CPQ: variants seen among roughly 807,000 people sequenced by gnomAD.
CPQ encodes the protein Ser-Met dipeptidase.
In CPQ, 37 loss-of-function variants were observed where a neutral mutation model predicts 45.7. The ratio of observed to expected loss-of-function variants is 0.81; its 90% CI spans 0.62 to 1.07. The LOEUF (loss-of-function observed/expected upper bound fraction) is 1.07. Among genes scored for constraint, CPQ ranks in the 50% least tolerant of loss-of-function variants. The probability of loss-of-function intolerance (pLI) is 0.00; values close to 1 mark genes in which losing one functional copy is unlikely to be tolerated. For missense variants in CPQ, 537 were observed against 572.9 expected (o/e 0.94, Z 0.64); for synonymous variants, 186 against 205.8 (o/e 0.90, Z 0.82).
At chr8:96,747,599 A>G (rs1810207316) in intron 1 of CPQ, among the ~76,000 whole-genome samples, 1 of 152,216 alleles carries the variant, frequency 6.6e-6, no homozygotes, top group Non-Finnish European at 1.5e-5. Context: ...TGTAAAGATT[A>G]TTGGGCACTA....
intron 7 of CPQ, among the ~76,000 whole-genome samples, chr8:97,081,887 T>G (rs980113511): frequency 6.6e-6 from 1 of 152,310 alleles, no homozygotes; most frequent in South Asian, 2.1e-4. Context: ...GAACCTCAAT[T>G]TCTTCCTAAA....
At chr8:96,984,241 C>G (rs1813963328) in intron 5 of CPQ, among the ~76,000 whole-genome samples, 1 of 151,970 alleles carries the variant, frequency 6.6e-6, no homozygotes, top group South Asian at 2.1e-4. Context: ...TTAGTTATGC[C>G]TTGTTTATAA....
At chr8:96,958,753 G>A (rs1456247348) in intron 4 of CPQ, among the ~76,000 whole-genome samples, 1 of 152,078 alleles carries the variant, frequency 6.6e-6, no homozygotes. Flanking sequence ...CTTTTTGTGA[G>A]TCTAATCTGA....
chr8:96,777,723 A>AACATATATATAT lies in CPQ; in HGVS notation c.-34-7140_-34-7139insCATATATATATA, dbSNP rs1810624594. ...GTGACCCTAAGTCTGTGTCTTAGAA[A>AACATATATATAT]ATATATATATATATATATATATATA... On this transcript the variant is annotated intron_variant, in intron 1 of 7. Coordinates refer to ENST00000220763, the MANE Select transcript of CPQ (RefSeq NM_016134.4). Among the ~76,000 whole-genome samples, 4 of 37,832 alleles carry AACATATATATAT rather than the reference A, an allele frequency of 1.1e-4. No homozygotes were observed. In the Admixed American group the frequency reaches 2.1e-3, roughly 20 times the overall value. The allele number at this position is 37,832 out of a possible 152,430, so 24.8% of individuals were successfully genotyped here.
chr8:96,866,277 G>A lies in CPQ; in HGVS notation c.642-13521G>A, dbSNP rs112175238. Among the ~76,000 whole-genome samples, 314 of 152,062 alleles carry A rather than the reference G, an allele frequency of 2.1e-3. 2 individuals are homozygous for A. The highest frequency in any genetic ancestry group is 6.9e-3 in the African/African-American group (285 of 41,500). ...TTCTGGTAATTGGTAAATATGCCTC[G>A]TCACAGGTTTGTTGAATGATTTATT... On this transcript the variant is annotated intron_variant, in intron 3 of 7. Coordinates refer to ENST00000220763, the MANE Select transcript of CPQ (RefSeq NM_016134.4).
chr8:96,865,076 A>G (rs1811978390), intron 3 of CPQ, among the ~76,000 whole-genome samples: 1 of 152,034 alleles, frequency 6.6e-6, no homozygotes, highest in Non-Finnish European at 1.5e-5. Context: ...GTTATTACTG[A>G]CATTTATAAC....
At chr8:96,675,215 AC>A (rs1487606590) in intron 1 of CPQ, among the ~76,000 whole-genome samples, 2 of 152,182 alleles carry the variant, frequency 1.3e-5, no homozygotes, top group African/African-American at 4.8e-5. Context: ...CCACTGGGTT[AC>A]CCTCCACAGA....
At chr8:96,719,353 G>T (rs1337459150) in intron 1 of CPQ, among the ~76,000 whole-genome samples, 1 of 152,218 alleles carries the variant, frequency 6.6e-6, no homozygotes, top group Admixed American at 6.5e-5. Flanking sequence ...ATTGCCCAGG[G>T]CTGGCAGGGC....
intron 3 of CPQ, among the ~76,000 whole-genome samples, chr8:96,879,087 A>G (rs1380378032): frequency 6.6e-6 from 1 of 152,256 alleles, no homozygotes; most frequent in Non-Finnish European, 1.5e-5. Context: ...ATAGGCTTCA[A>G]TTATAAGTGT....
In CPQ at chr8:96,750,802, A is replaced by G. The variant is rs191123263; in HGVS notation, c.-34-34062A>G. On this transcript the variant is annotated intron_variant, in intron 1 of 7. Coordinates refer to ENST00000220763, the MANE Select transcript of CPQ (RefSeq NM_016134.4). ...CTTCCTCCCCTGAACCGCTCTCCCA[A>G]TAGGCCCCAATATGTGTTGTTTCCC... Among the ~76,000 whole-genome samples the G allele has an allele frequency of 5.3e-5, 8 of 152,008 alleles. No homozygotes were observed. The South Asian group carries it at 8.3e-4, about 16-fold the overall frequency.
chr8:97,040,970 CT>C (rs1362484060), intron 6 of CPQ, among the ~76,000 whole-genome samples: 1 of 151,750 alleles, frequency 6.6e-6, no homozygotes, highest in Non-Finnish European at 1.5e-5. Flanking sequence ...GATGCGGGCT[CT>C]TTTTTGGTTC....
intron 4 of CPQ, among the ~76,000 whole-genome samples, chr8:96,901,146 C>G (rs527569119): frequency 6.6e-6 from 1 of 152,224 alleles, no homozygotes; most frequent in Admixed American, 6.5e-5. Context: ...ATGGCCATAG[C>G]CTTTTCCGGT....
intron 7 of CPQ, among the ~76,000 whole-genome samples, chr8:97,119,667 G>C (rs1223205827): frequency 6.6e-6 from 1 of 152,144 alleles, no homozygotes; most frequent in African/African-American, 2.4e-5. Context: ...GTACCTCAGT[G>C]GGGGATTACT....
intron 5 of CPQ, 89 bp from the exon 6 acceptor site, chr8:97,029,314 C>A: frequency 7.9e-7 from 1 of 1,263,188 alleles, no homozygotes; most frequent in Non-Finnish European, 1.1e-6. Context: ...TTCCTCCTTC[C>A]TCCACAAGGC....
At chr8:96,800,909 C>A (rs1013937192) in intron 2 of CPQ, among the ~76,000 whole-genome samples, 1 of 151,010 alleles carries the variant, frequency 6.6e-6, no homozygotes, top group Non-Finnish European at 1.5e-5. Context: ...AAGAGACTTG[C>A]GATGAATAGG....
intron 7 of CPQ, among the ~76,000 whole-genome samples, chr8:97,066,766 C>G (rs1191706957): frequency 1.3e-5 from 2 of 151,924 alleles, no homozygotes; most frequent in African/African-American, 4.8e-5. Context: ...AGAGGTTGAG[C>G]ATAAACTAAT....
intron 4 of CPQ, among the ~76,000 whole-genome samples, chr8:96,898,251 C>G (rs761296368): frequency 5.9e-5 from 9 of 152,024 alleles, no homozygotes; most frequent in African/African-American, 2.2e-4. Context: ...TTTCTTCCCC[C>G]CAAAATGGGA....
intron 3 of CPQ, among the ~76,000 whole-genome samples, chr8:96,870,167 T>TA (rs1170508209): frequency 1.4e-4 from 7 of 48,430 alleles, no homozygotes; most frequent in Admixed American, 2.3e-4. Context: ...TATATATATA[T>TA]TTTTTTGGTA....
chr8:96,739,390 A>T, intron 1 of CPQ, among the ~76,000 whole-genome samples: 3 of 77,584 alleles, frequency 3.9e-5, no homozygotes, highest in Admixed American at 1.6e-4. Flanking sequence ...GGTTGTGAAA[A>T]TTTTCTCCCA....
Sources: allele counts gnomAD v4.1 joint callset (sites outside exome capture counted in the v4.1 genomes callset), GRCh38; gene constraint gnomAD v4.1.1; transcripts MANE v1.5; gene names NCBI Gene and HGNC (gene_info 2026-07-23, HGNC 2026-07-21).